PTGER3: variants seen among roughly 807,000 people sequenced by gnomAD.
The protein encoded by PTGER3 is prostaglandin E receptor 3, also known as prostaglandin E2 receptor EP3 subtype.
In PTGER3, 22 loss-of-function variants were observed where a neutral mutation model predicts 34.7. The ratio of observed to expected loss-of-function variants is 0.63; its 90% confidence interval spans 0.45 to 0.91. PTGER3 has a LOEUF of 0.91. Ranked by LOEUF, PTGER3 falls within the 40% of genes least tolerant of loss-of-function variation. The pLI is 0.00. For missense variants in PTGER3, 468 were observed against 519.4 expected (o/e 0.90, Z 0.96); for synonymous variants, 241 against 230.1 (o/e 1.05, Z -0.43).
chr1:70,964,679 G>T (rs1325636998), intron 2 of PTGER3, among the ~76,000 whole-genome samples: 1 of 152,228 alleles, frequency 6.6e-6, no homozygotes, highest in Non-Finnish European at 1.5e-5. Flanking sequence ...GATTTGGGCA[G>T]GGACAGAGCC....
At chr1:71,029,854 A>T (rs1659245631) in intron 1 of PTGER3, among the ~76,000 whole-genome samples, 1 of 151,842 alleles carries the variant, frequency 6.6e-6, no homozygotes, top group Non-Finnish European at 1.5e-5. Flanking sequence ...TGAACCTGGG[A>T]GGTGGAGGTT....
intron 4 of PTGER3, among the ~76,000 whole-genome samples, chr1:70,854,168 C>G (rs963028636): frequency 2.0e-5 from 3 of 151,920 alleles, no homozygotes; most frequent in African/African-American, 7.3e-5. Context: ...AGGAAGCAAT[C>G]CTTAGAGTGA....
intron 2 of PTGER3, among the ~76,000 whole-genome samples, chr1:70,983,503 C>T (rs1236455142): frequency 2.0e-5 from 3 of 152,166 alleles, no homozygotes; most frequent in South Asian, 4.1e-4. Flanking sequence ...TTCAACAAGA[C>T]TCAAGCTCTT....
Position 70,954,979 on chromosome 1 carries a change from G to A in PTGER3, c.1078-1190C>T, listed in dbSNP as rs531057118. On this transcript the variant is annotated intron_variant, in intron 2 of 3. Transcript: ENST00000356595. ...TCTACCTATATGAAAAAAGAGAGAA[G>A]CGAATAGGGAAGGAAGCTAAGATTT... 1.6e-4 allele frequency among the ~76,000 whole-genome samples: 25 copies of A among 152,210 alleles called. 1 individual carries two copies. The South Asian group carries it at 5.2e-3, about 32-fold the overall frequency.
chr1:70,927,498 T>C (rs1410826156), intron 4 of PTGER3, among the ~76,000 whole-genome samples: 1 of 152,206 alleles, frequency 6.6e-6, no homozygotes, highest in Non-Finnish European at 1.5e-5. Context: ...GATAGCATTA[T>C]ATATTGGAGA....
Position 71,046,703 on chromosome 1 carries a change from G to A in PTGER3, c.875C>T (p.Ser292Leu). The change falls in exon 1 of 4, where the codon TCG (serine) becomes TTG (leucine). Residue 292 changes from serine (S) to leucine (L), a missense_variant. Physicochemically the swap from Ser to Leu is moderately radical, Grantham distance 145. This residue lies in a region of PTGER3 where 204 missense variants were observed against 230.8 expected (regional missense o/e 0.88). Transcript: ENST00000306666. ...IQLMGIMCVL[S>L]VCWSPLLIMM... is the part of the protein sequence containing the mutation. The stretch of plus-strand genomic sequence containing the variant: ...TACCAGGAGCGGAGACCAGCAGACC[G>A]ACAGCACGCACATGATCCCCATAAG... 7 of 1,575,590 alleles carry A rather than the reference G, an allele frequency of 4.4e-6. No homozygotes were observed. Among genetic ancestry groups the A allele is most frequent in the Non-Finnish European group, 6.0e-6 (7 of 1,158,974 alleles).
intron 2 of PTGER3, among the ~76,000 whole-genome samples, chr1:70,998,813 T>C (rs550326443): frequency 6.6e-6 from 1 of 152,328 alleles, no homozygotes; most frequent in East Asian, 1.9e-4. Flanking sequence ...TGAATCTCGA[T>C]ACATCTATGA....
At chr1:71,022,689 G>GCT (rs775850271) in intron 1 of PTGER3, among the ~76,000 whole-genome samples, 6 of 150,678 alleles carry the variant, frequency 4.0e-5, no homozygotes, top group African/African-American at 1.2e-4. Flanking sequence ...TCTAGTCAGT[G>GCT]CTCTCTCTCT....
At chr1:70,917,124 C>T (rs12125331) in intron 4 of PTGER3, among the ~76,000 whole-genome samples, 1 of 151,612 alleles carries the variant, frequency 6.6e-6, no homozygotes, top group Admixed American at 6.6e-5. Context: ...AACACCAAAA[C>T]TTATTCTTCC....
At chr1:70,885,350 TC>T (rs1180072761) in intron 4 of PTGER3, among the ~76,000 whole-genome samples, 4 of 152,198 alleles carry the variant, frequency 2.6e-5, no homozygotes, top group Admixed American at 1.3e-4. Context: ...ATTAAGCTTT[TC>T]TTTTAACAGT....
downstream of PTGER3, chr1:70,951,198 A>G (rs1650729152): frequency 6.6e-6 from 1 of 152,160 alleles, no homozygotes; most frequent in South Asian, 2.1e-4. Context: ...GCATTTTTGC[A>G]TCTTCATTTT....
At chr1:71,007,604 C>A in intron 2 of PTGER3, 1 of 985,312 alleles carries the variant, frequency 1.0e-6, no homozygotes, top group Non-Finnish European at 1.2e-6. Flanking sequence ...TTTCTATGTT[C>A]TCTGCCCCAC....
chr1:70,962,841 C>A (rs1652078802), intron 2 of PTGER3, among the ~76,000 whole-genome samples: 2 of 152,254 alleles, frequency 1.3e-5, no homozygotes, highest in African/African-American at 2.4e-5. Flanking sequence ...ATTTCAAAAC[C>A]AATCATGCCT....
chr1:70,874,830 T>C (rs952925622), intron 4 of PTGER3, among the ~76,000 whole-genome samples: 4 of 152,212 alleles, frequency 2.6e-5, no homozygotes, highest in African/African-American at 9.6e-5. Context: ...ATGTTTTTTT[T>C]TTATTTGAAA....
Position 71,014,341 on chromosome 1 carries a change from A to G in PTGER3, c.898-1857T>C, listed in dbSNP as rs1657704003. 2.0e-5 allele frequency among the ~76,000 whole-genome samples: 3 copies of G among 152,266 alleles called. No homozygotes were observed. In the South Asian group the frequency reaches 6.2e-4, roughly 32 times the overall value. On this transcript the variant is annotated intron_variant, in intron 1 of 3. Coordinates refer to ENST00000306666, the MANE Select transcript of PTGER3 (RefSeq NM_198719.2). ...CTGGATCAACATTTCAGAGTCTGTG[A>G]ACTCTTCTTTTCCTCATCCTCTGCA... is the stretch of plus-strand genomic sequence containing the variant.
intron 4 of PTGER3, among the ~76,000 whole-genome samples, chr1:70,897,835 C>A (rs1231838562): frequency 6.6e-6 from 1 of 152,140 alleles, no homozygotes; most frequent in Non-Finnish European, 1.5e-5. Context: ...TTATTGACTT[C>A]AACATGTTTT....
At chr1:70,979,672 G>C (rs373463232) in intron 2 of PTGER3, among the ~76,000 whole-genome samples, 3 of 152,204 alleles carry the variant, frequency 2.0e-5, no homozygotes, top group African/African-American at 7.2e-5. Context: ...ACTGCCTGGA[G>C]AAACAAAGTG....
At position 70,958,101 on chromosome 1, in the gene PTGER3, A is replaced by G. The variant is rs114627610; in HGVS notation, c.1078-4312T>C. 6.4e-3 allele frequency among the ~76,000 whole-genome samples: 969 copies of G among 152,244 alleles called. 9 individuals are homozygous for G. Among genetic ancestry groups the G allele is most frequent in the South Asian group, 0.036 (172 of 4,830 alleles). ...AACAATTTTTAATCCATTCATCTGT[A>G]GATGGTCATCTAGGTTCATTCCATA... On this transcript the variant is annotated intron_variant, in intron 2 of 3. Transcript: ENST00000356595.
At chr1:70,897,304 T>C (rs1646742477) in intron 4 of PTGER3, among the ~76,000 whole-genome samples, 1 of 152,142 alleles carries the variant, frequency 6.6e-6, no homozygotes, top group Non-Finnish European at 1.5e-5. Flanking sequence ...CGGCAATCCA[T>C]TCACTCATTT....
Sources: allele counts gnomAD v4.1 joint callset (sites outside exome capture counted in the v4.1 genomes callset), GRCh38; gene constraint gnomAD v4.1.1; regional missense constraint gnomAD v4.1.1; transcripts MANE v1.5; gene names NCBI Gene and HGNC (gene_info 2026-07-23, HGNC 2026-07-21).